The following RTN1 variants were observed in gnomAD, a reference collection of about 807,000 sequenced individuals.
RTN1 encodes the protein reticulon-1.
A neutral mutation model predicts 65.5 loss-of-function variants in RTN1; 25 were observed. The observed-to-expected ratio is 0.38, with a 90% CI of 0.28 to 0.53. The LOEUF (loss-of-function observed/expected upper bound fraction) is 0.53. Ranked by LOEUF, RTN1 falls within the 20% of genes least tolerant of loss-of-function variation. The pLI, the probability that RTN1 is intolerant of heterozygous loss-of-function variation, is 0.79. For missense variants in RTN1, 983 were observed against 1,025.4 expected (o/e 0.96, Z 0.57); for synonymous variants, 471 against 447.6 (o/e 1.05, Z -0.66).
At chr14:59,645,318 G>A (rs1882867180) in intron 3 of RTN1, among the ~76,000 whole-genome samples, 1 of 152,168 alleles carries the variant, frequency 6.6e-6, no homozygotes, top group Admixed American at 6.5e-5. Flanking sequence ...AGAAACTGGA[G>A]CAGACCTCCT....
intron 1 of RTN1, among the ~76,000 whole-genome samples, chr14:59,804,727 T>TG (rs1886605663): frequency 6.6e-6 from 1 of 152,116 alleles, no homozygotes; most frequent in Non-Finnish European, 1.5e-5. Context: ...CAAAACTGCA[T>TG]GGGAAGTAAA....
chr14:59,870,607 C>G lies in RTN1; in HGVS notation c.24G>C (p.Gln8His). 2 of 1,431,264 alleles carry G rather than the reference C, an allele frequency of 1.4e-6. No homozygotes were observed. The highest frequency in any genetic ancestry group is 1.8e-6 in the Non-Finnish European group (2 of 1,096,882). The allele number at this position is 1,431,264 out of a possible 1,614,324, so 88.7% of individuals were successfully genotyped here. The part of the protein sequence containing the change: MAAPGDP[Q>H]DELLPLAGPG... ...GGCCGGCCAGCGGCAGCAGCTCGTC[C>G]TGCGGATCCCCCGGCGCGGCCATGG... is the stretch of plus-strand genomic sequence containing the variant. Residue 8 changes from glutamine (Q) to histidine (H), a missense_variant, in exon 1 of 9, where the codon CAG (glutamine) becomes CAC (histidine). Around this residue, in one of 2 missense-constraint regions of RTN1, gnomAD observed 818 missense variants for 801.8 expected, o/e 1.02. Coordinates refer to ENST00000267484, the MANE Select transcript of RTN1 (RefSeq NM_021136.3). This position sits in a 1 kb window ranked among gnomAD's most constrained non-coding sequence, Gnocchi z 5.1.
chr14:59,663,912 T>A (rs1442696961), intron 3 of RTN1, among the ~76,000 whole-genome samples: 1 of 152,142 alleles, frequency 6.6e-6, no homozygotes. Context: ...AGTGTGGCGA[T>A]TCCTCAAGGA....
At chr14:59,712,618 T>C (rs1035612950) in intron 3 of RTN1, among the ~76,000 whole-genome samples, 1 of 152,198 alleles carries the variant, frequency 6.6e-6, no homozygotes, top group African/African-American at 2.4e-5. Flanking sequence ...CAGAAAGTAT[T>C]CCTGCATTAA....
chr14:59,650,134 G>A (rs1435627526), intron 3 of RTN1, among the ~76,000 whole-genome samples: 6 of 152,188 alleles, frequency 3.9e-5, no homozygotes, highest in African/African-American at 1.2e-4. Flanking sequence ...ATCATCTGCA[G>A]CAAACTAACA....
chr14:59,854,639 CAAAAAAA>C (rs552017689), intron 1 of RTN1, among the ~76,000 whole-genome samples: 2 of 71,788 alleles, frequency 2.8e-5, no homozygotes, highest in African/African-American at 6.8e-5. Context: ...GACTGCGTCT[CAAAAAAA>C]AAAAAAAAAA....
intron 3 of RTN1, among the ~76,000 whole-genome samples, chr14:59,712,259 T>C (rs1193473874): frequency 6.6e-6 from 1 of 152,018 alleles, no homozygotes; most frequent in African/African-American, 2.4e-5. Context: ...ATACAGCAGA[T>C]AGAGCTAAGT....
chr14:59,658,694 A>G (rs1883178215), intron 3 of RTN1, among the ~76,000 whole-genome samples: 2 of 152,346 alleles, frequency 1.3e-5, no homozygotes, highest in Admixed American at 6.5e-5. Context: ...CAACATCAAC[A>G]AAAAGGACGT....
chr14:59,635,095 C>T (rs1882634943), intron 3 of RTN1, among the ~76,000 whole-genome samples: 1 of 152,138 alleles, frequency 6.6e-6, no homozygotes, highest in Non-Finnish European at 1.5e-5. Context: ...AGTAATAAAT[C>T]AATACCCCGA....
Position 59,870,341 on chromosome 14 carries a change from G to T in RTN1, c.241+49C>A. Reference sequence around the variant, plus strand: ...AGCCGCGCAGAAGGGGACTGACTGGGGGGCCCTGGTCCCCGACGCCATTTG... The same window carrying T: ...AGCCGCGCAGAAGGGGACTGACTGGTGGGCCCTGGTCCCCGACGCCATTTG... On this transcript the variant is annotated intron_variant, in intron 1 of 8. Transcript: ENST00000267484. This position sits in a 1 kb window ranked among gnomAD's most constrained non-coding sequence, Gnocchi z 5.1. The T allele has an allele frequency of 7.0e-7, 1 of 1,435,910 alleles. No homozygotes were observed. Among genetic ancestry groups the T allele is most frequent in the Non-Finnish European group, 9.1e-7 (1 of 1,101,578 alleles). 88.9% of individuals were successfully genotyped at this position (1,435,910 alleles called of 1,614,324 possible).
chr14:59,738,486 A>C (rs1363131637), intron 2 of RTN1, among the ~76,000 whole-genome samples: 5 of 152,242 alleles, frequency 3.3e-5, no homozygotes, highest in Non-Finnish European at 5.9e-5. Flanking sequence ...GCTATTACCA[A>C]AAAGTCAAAA....
intron 3 of RTN1, among the ~76,000 whole-genome samples, chr14:59,695,481 A>G (rs1884043978): frequency 6.6e-6 from 1 of 152,140 alleles, no homozygotes; most frequent in African/African-American, 2.4e-5. Context: ...TCAGGACAGC[A>G]TGTCCTAGAC....
intron 3 of RTN1, among the ~76,000 whole-genome samples, chr14:59,648,068 C>T (rs1020348164): frequency 1.3e-5 from 2 of 151,988 alleles, no homozygotes; most frequent in Non-Finnish European, 2.9e-5. Context: ...AAAGACAGAT[C>T]CAAATAAACA....
chr14:59,821,675 T>C (rs888102299), intron 1 of RTN1, among the ~76,000 whole-genome samples: 17 of 152,230 alleles, frequency 1.1e-4, no homozygotes, highest in African/African-American at 3.9e-4. Context: ...CTTACTATCT[T>C]GAGGTATGAT....
In RTN1 at chr14:59,661,363, A is replaced by T. The variant is rs991477486; in HGVS notation, c.1766-53871T>A. On this transcript the variant is annotated intron_variant, in intron 3 of 8. Transcript: ENST00000267484. Reference sequence around the variant, plus strand: ...ACCATTCCTTCTGAAACTATTCCAAACAACAGAAAAAGAGGGAATCCTCCC... The same window carrying T: ...ACCATTCCTTCTGAAACTATTCCAATCAACAGAAAAAGAGGGAATCCTCCC... Among the ~76,000 whole-genome samples the T allele has an allele frequency of 5.9e-5, 9 of 152,184 alleles. No homozygotes were observed. In the East Asian group the frequency reaches 1.4e-3, roughly 23 times the overall value.
chr14:59,756,841 G>GTT (rs11450526), intron 1 of RTN1, among the ~76,000 whole-genome samples: 1,786 of 100,594 alleles, frequency 0.018, 43 homozygotes, highest in African/African-American at 0.068. Flanking sequence ...TCTTTTTTTT[G>GTT]TTTTTTTTTT....
At chr14:59,740,399 T>C (rs1885093613) in intron 2 of RTN1, among the ~76,000 whole-genome samples, 1 of 152,174 alleles carries the variant, frequency 6.6e-6, no homozygotes, top group Admixed American at 6.5e-5. Context: ...ATTTAGGAAA[T>C]AAAAATACAG....
chr14:59,856,354 T>C (rs1001491695), intron 1 of RTN1, among the ~76,000 whole-genome samples: 2 of 152,236 alleles, frequency 1.3e-5, no homozygotes, highest in Non-Finnish European at 2.9e-5. Context: ...GATTTAGCCC[T>C]GTACTGGCGG....
chr14:59,676,408 G>A lies in RTN1; in HGVS notation c.1765+50511C>T, dbSNP rs140257050. On this transcript the variant is annotated intron_variant, in intron 3 of 8. Coordinates refer to ENST00000267484, the MANE Select transcript of RTN1 (RefSeq NM_021136.3). ...CATCATCATTTGTAACTGCAGTGGT[G>A]GCAATTAGAGAACAGGTTCAATTAA... Among the ~76,000 whole-genome samples, 1,293 of 152,276 alleles carry A rather than the reference G, an allele frequency of 8.5e-3. 16 individuals carry two copies. The highest frequency in any genetic ancestry group is 0.025 in the South Asian group (121 of 4,816).
Sources: allele counts gnomAD v4.1 joint callset (sites outside exome capture counted in the v4.1 genomes callset), GRCh38; gene constraint gnomAD v4.1.1; regional missense constraint gnomAD v4.1.1; non-coding constraint Gnocchi (gnomAD v3.1); transcripts MANE v1.5; gene names NCBI Gene and HGNC (gene_info 2026-07-23, HGNC 2026-07-21).